ANKDD1A: variants seen among roughly 807,000 people sequenced by gnomAD.
ANKDD1A encodes ankyrin repeat and death domain-containing protein 1A.
In ANKDD1A, 59 loss-of-function variants were observed where a neutral mutation model predicts 63.5. The observed-to-expected ratio is 0.93, with a 90% CI of 0.75 to 1.15. ANKDD1A has a LOEUF of 1.15. ANKDD1A is among the 50% of genes most tolerant of loss of function. ANKDD1A has a pLI of 0.00. For missense variants in ANKDD1A, 632 were observed against 656.4 expected, an observed-to-expected ratio of 0.96 and a Z score of 0.41; for synonymous variants, 266 against 263.9, an observed-to-expected ratio of 1.01 and a Z score of -0.08.
intron 14 of ANKDD1A, among the ~76,000 whole-genome samples, chr15:64,954,021 C>CT (rs1484614043): frequency 1.0e-4 from 12 of 118,924 alleles, no homozygotes; most frequent in Admixed American, 8.2e-4. Context: ...CTTCTTTCCT[C>CT]TTCTTTTCTT....
At chr15:64,948,643 G>A (rs1313596304) in intron 13 of ANKDD1A, among the ~76,000 whole-genome samples, 2 of 152,044 alleles carry the variant, frequency 1.3e-5, no homozygotes, top group Non-Finnish European at 2.9e-5. Flanking sequence ...TGGCCAACAT[G>A]GTGAATCCCC....
chr15:64,953,655 T>TCTC (rs1555397880), intron 14 of ANKDD1A, among the ~76,000 whole-genome samples: 2 of 35,534 alleles, frequency 5.6e-5, no homozygotes, highest in Admixed American at 3.6e-4. Context: ...TCCTTCTCCT[T>TCTC]CTTTTCTTTC....
intron 14 of ANKDD1A, among the ~76,000 whole-genome samples, chr15:64,953,137 TTTC>T (rs1386882227): frequency 1.1e-4 from 6 of 52,654 alleles, no homozygotes; most frequent in East Asian, 7.0e-4. Context: ...TTCTTCCTTT[TTTC>T]TTCCTTTTTC....
chr15:64,934,979 C>G (rs1191868164), intron 9 of ANKDD1A, among the ~76,000 whole-genome samples: 1 of 152,122 alleles, frequency 6.6e-6, no homozygotes, highest in Non-Finnish European at 1.5e-5. Context: ...AATCTCAGCA[C>G]TATGGGAGGC....
Position 64,947,529 on chromosome 15 carries a change from G to T in ANKDD1A, c.1287G>T (p.Lys429Asn). The T allele has an allele frequency of 2.5e-6, 4 of 1,614,174 alleles. No homozygotes were observed. The highest frequency in any genetic ancestry group is 3.4e-6 in the Non-Finnish European group (4 of 1,180,024). ...GGTATCTGCAGCCCCGTGAGTGGAA[G>T]AAGCTGGCATATTCCTGGGAGTTCA... is the stretch of plus-strand genomic sequence containing the variant. ...ASRYLQPREW[K>N]KLAYSWEFTE... Residue 429 changes from lysine to asparagine, a missense_variant, in exon 13 of 15, where the codon AAG (lysine) becomes AAT (asparagine). Transcript: ENST00000319580.
At chr15:64,928,646 G>A (rs2085065471) in intron 6 of ANKDD1A, among the ~76,000 whole-genome samples, 1 of 152,212 alleles carries the variant, frequency 6.6e-6, no homozygotes, top group African/African-American at 2.4e-5. Context: ...CACTCCACGT[G>A]TACTCTAGAA....
chr15:64,915,843 T>C lies in ANKDD1A; in HGVS notation c.81T>C (p.Asn27=). 6 of 1,614,054 alleles carry C rather than the reference T, an allele frequency of 3.7e-6. No individual in the cohort carries two copies. The highest frequency in any genetic ancestry group is 1.7e-5 in the Admixed American group (1 of 60,018). The change falls in exon 2 of 15, where the codon AAT becomes AAC. Residue 27 remains asparagine, a synonymous_variant. Transcript: ENST00000319580. ...TCCACGAGGCCGCCCGCCAGAACAA[T>C]GTCGGCAGGATGCAGGAGCTGATTG... is the stretch of plus-strand genomic sequence containing the variant. ...RQLHEAARQN[N]VGRMQELIGR... is the part of the protein sequence containing the mutation.
rs1433040472 is a variant in ANKDD1A at position 64,946,123 on chromosome 15, G to T, written c.1162-1281G>T. On this transcript the variant is annotated intron_variant, in intron 12 of 14. Transcript: ENST00000319580. ...CAAGGAAGTCTTTTGAGTAATGTTG[G>T]GTCCCATGTTTAAACTTAGTTAAAC... is the stretch of plus-strand genomic sequence containing the variant. Among the ~76,000 whole-genome samples, 6 of 151,858 alleles carry T rather than the reference G, an allele frequency of 4.0e-5. No individual in the cohort carries two copies. In the Middle Eastern group the frequency reaches 0.014, roughly 344 times the overall value.
At chr15:64,927,299 G>T (rs944484281) in intron 6 of ANKDD1A, among the ~76,000 whole-genome samples, 1 of 152,192 alleles carries the variant, frequency 6.6e-6, no homozygotes, top group Non-Finnish European at 1.5e-5. Context: ...CAGGGTGGCA[G>T]ATCTGGGTGG....
intron 14 of ANKDD1A, among the ~76,000 whole-genome samples, chr15:64,953,717 CT>C (rs2085356886): frequency 8.0e-5 from 1 of 12,486 alleles, no homozygotes; most frequent in Non-Finnish European, 4.0e-4. Flanking sequence ...TCTCCTTGTT[CT>C]TCTCCTTCTT....
chr15:64,930,043 A>G (rs2085076635), intron 6 of ANKDD1A, among the ~76,000 whole-genome samples: 2 of 152,228 alleles, frequency 1.3e-5, no homozygotes, highest in East Asian at 1.9e-4. Flanking sequence ...GAGCTGAACA[A>G]TGAGAACCAC....
Position 64,951,379 on chromosome 15 carries a change from T to TC in ANKDD1A, c.1483+1407_1483+1408insC, listed in dbSNP as rs2085271766. The TC allele has an allele frequency of 7.3e-6, 3 of 408,384 alleles. No homozygotes were observed. The African/African-American group carries it at 9.7e-5, about 13-fold the overall frequency. The allele number at this position is 408,384 out of a possible 1,614,324, so 25.3% of individuals were successfully genotyped here. A position where few individuals can be genotyped will look rare whatever the true frequency, so the allele number is the denominator to read the frequency against. ...TTTCTTCTTCCTCTTTCTTCTTTCT[T>TC]TTTCTTTTCTTCTTCCTCTTTTTTC... On this transcript the variant is annotated intron_variant, in intron 14 of 14. Transcript: ENST00000319580.
At chr15:64,915,609 G>A (rs1478154901) in intron 1 of ANKDD1A, among the ~76,000 whole-genome samples, 188 bp from the exon 2 acceptor site, 3 of 152,190 alleles carry the variant, frequency 2.0e-5, no homozygotes, top group South Asian at 2.1e-4. Flanking sequence ...GAGTTAATGA[G>A]GAAGAGCAGC....
At chr15:64,943,128 TA>T in intron 10 of ANKDD1A, 1 of 243,284 alleles carries the variant, frequency 4.1e-6, no homozygotes, top group Non-Finnish European at 8.0e-6. Context: ...TGCACAGAGA[TA>T]TTTACTGCAG....
In ANKDD1A at chr15:64,934,147, C is replaced by T; in HGVS notation, c.780C>T (p.Ser260=). 1 of 1,609,084 alleles carries T rather than the reference C, an allele frequency of 6.2e-7. No individual in the cohort carries two copies. Among genetic ancestry groups the T allele is most frequent in the Non-Finnish European group, 8.5e-7 (1 of 1,177,030 alleles). ...CTGTTTCCTTCTAGAAAAACCTAAG[C>T]TGCCTTCACTATGCAGCCCTCAGTG... is the stretch of plus-strand genomic sequence containing the variant. ...TVNALTQKNL[S]CLHYAALSGS... is the part of the protein sequence containing the mutation. Residue 260 remains serine (S), a synonymous_variant, in exon 9 of 15, where the codon AGC becomes AGT. Coordinates refer to ENST00000319580, the MANE Select transcript of ANKDD1A (RefSeq NM_182703.6).
intron 14 of ANKDD1A, among the ~76,000 whole-genome samples, chr15:64,953,852 TCC>T (rs2085362656): frequency 2.6e-4 from 4 of 15,392 alleles, no homozygotes; most frequent in African/African-American, 4.0e-4. Flanking sequence ...TTTTCTTCTT[TCC>T]TCTTCTTCCT....
chr15:64,950,728 C>CGGG, intron 14 of ANKDD1A: 7 of 450,138 alleles, frequency 1.6e-5, no homozygotes, highest in Non-Finnish European at 1.7e-5. Flanking sequence ...AAGAAAGGAC[C>CGGG]GCCCCCCCCC....
At chr15:64,949,258 G>A (rs1191989830) in intron 13 of ANKDD1A, among the ~76,000 whole-genome samples, 1 of 152,198 alleles carries the variant, frequency 6.6e-6, no homozygotes, top group Non-Finnish European at 1.5e-5. Flanking sequence ...GGAACCACCT[G>A]GGAAATTTTG....
At chr15:64,951,183 C>T in intron 14 of ANKDD1A, 1 of 1,052,920 alleles carries the variant, frequency 9.5e-7, no homozygotes, top group African/African-American at 1.7e-5. Context: ...TGTTTGTACA[C>T]TGATCTTTTT....
Sources: gnomAD v4.1 joint callset for allele counts (sites outside exome capture counted in the v4.1 genomes callset) on GRCh38, gnomAD v4.1.1 for gene constraint, MANE v1.5 for transcripts, NCBI Gene and HGNC (gene_info 2026-07-23, HGNC 2026-07-21) for gene names.